The following MPZL3 variants were observed in gnomAD, a reference collection of about 807,000 sequenced individuals.
MPZL3 encodes the protein myelin protein zero-like protein 3.
A neutral mutation model predicts 24.8 loss-of-function variants in MPZL3; 23 were observed. The observed-to-expected ratio is 0.93, with a 90% confidence interval of 0.67 to 1.31. The LOEUF (loss-of-function observed/expected upper bound fraction) is 1.31. Among genes scored for constraint, MPZL3 ranks in the 40% most tolerant of loss-of-function variants. MPZL3 has a pLI of 0.00. For missense variants in MPZL3, 277 were observed against 294.9 expected (o/e 0.94, Z 0.44); for synonymous variants, 99 against 106.5 (o/e 0.93, Z 0.44).
chr11:118,237,344 C>T, intron 2 of MPZL3, 84 bp from the exon 3 acceptor site: 1 of 1,240,634 alleles, frequency 8.1e-7, no homozygotes, highest in East Asian at 2.3e-5. Flanking sequence ...AAATAAAATA[C>T]AACTGTATAA....
At chr11:118,250,274 C>T (rs1382216602) in intron 1 of MPZL3, among the ~76,000 whole-genome samples, 1 of 150,858 alleles carries the variant, frequency 6.6e-6, no homozygotes, top group African/African-American at 2.5e-5. Context: ...ATCCACCCAC[C>T]TCGGCCTCCC....
At position 118,240,218 on chromosome 11, in the gene MPZL3, G is replaced by C. The variant is rs772467432; in HGVS notation, c.233C>G (p.Thr78Arg). ...GAAAAAGTACACACTTACTGATACT[G>C]TGTGGCTGCTGCTGGGAGGGCGATA... ...WTYRPPSSSH[T>R]VSIFHYQSFQ... Residue 78 changes from threonine to arginine, a missense_variant, in exon 2 of 6, where the codon ACA becomes AGA. Physicochemically the swap from Thr to Arg is moderately conservative, Grantham distance 71. Transcript: ENST00000278949. 2 of 1,564,656 alleles carry C rather than the reference G, an allele frequency of 1.3e-6. No homozygotes were observed. The highest frequency in any genetic ancestry group is 8.6e-7 in the Non-Finnish European group (1 of 1,162,722).
chr11:118,228,078 C>G lies in MPZL3; in HGVS notation c.*1816G>C, dbSNP rs1255551256. On this transcript the variant is annotated 3_prime_UTR_variant, in exon 6 of 6. Coordinates refer to ENST00000278949, the MANE Select transcript of MPZL3 (RefSeq NM_198275.3). ...TGGAAATGTAAACTGCCGGTCCTGT[C>G]TTTGCCCTTCTACTTCCTCGCGTGA... 2 of 152,190 alleles carry G rather than the reference C, an allele frequency of 1.3e-5. No homozygotes were observed. Among genetic ancestry groups the G allele is most frequent in the African/African-American group, 2.4e-5 (1 of 41,424 alleles). 9.4% of individuals were successfully genotyped at this position (152,190 alleles called of 1,614,324 possible). A position where few individuals can be genotyped will look rare whatever the true frequency, so the allele number is the denominator to read the frequency against.
chr11:118,247,201 T>C (rs901154802), intron 1 of MPZL3, among the ~76,000 whole-genome samples: 1 of 152,152 alleles, frequency 6.6e-6, no homozygotes, highest in Non-Finnish European at 1.5e-5. Flanking sequence ...ATGTACTTTA[T>C]ACAGTTAGCT....
chr11:118,246,860 A>C (rs1422392280), intron 1 of MPZL3, among the ~76,000 whole-genome samples: 1 of 152,174 alleles, frequency 6.6e-6, no homozygotes, highest in Admixed American at 6.5e-5. Flanking sequence ...TGCTGGGATT[A>C]CAGGCGTGAG....
chr11:118,249,524 T>C (rs1949595855), intron 1 of MPZL3, among the ~76,000 whole-genome samples: 2 of 152,052 alleles, frequency 1.3e-5, no homozygotes, highest in Non-Finnish European at 1.5e-5. Context: ...CAGCCAACTA[T>C]AGAAATACTC....
intron 1 of MPZL3, among the ~76,000 whole-genome samples, chr11:118,246,834 T>C (rs1949561919): frequency 6.6e-6 from 1 of 152,034 alleles, no homozygotes; most frequent in South Asian, 2.1e-4. Flanking sequence ...AATCCTCCCA[T>C]CTCAACCTCT....
In MPZL3 at chr11:118,249,057, T is replaced by TG. The variant is rs1949590156; in HGVS notation, c.73+3164_73+3165insC. 3.3e-5 allele frequency among the ~76,000 whole-genome samples: 5 copies of TG among 150,406 alleles called. No individual in the cohort carries two copies. In the South Asian group the frequency reaches 1.1e-3, roughly 32 times the overall value. On this transcript the variant is annotated intron_variant, in intron 1 of 5. Coordinates refer to ENST00000278949, the MANE Select transcript of MPZL3 (RefSeq NM_198275.3). ...TCGGTTTGTTTTTTGTTTGTTTGTTTTTTGAGACAGAGTCTCACTCTGTCA... is the reference window on the plus strand; with the variant it reads ...TCGGTTTGTTTTTTGTTTGTTTGTTTGTTTGAGACAGAGTCTCACTCTGTCA...
chr11:118,233,367 C>T, intron 5 of MPZL3, 93 bp downstream of exon 5: 1 of 1,402,688 alleles, frequency 7.1e-7, no homozygotes, highest in Non-Finnish European at 1.0e-6. Flanking sequence ...ACCTGCATAT[C>T]CTCTGCTGCC....
At position 118,240,210 on chromosome 11, in the gene MPZL3, C is replaced by T. The variant is rs760696650; in HGVS notation, c.240+1G>A. The T allele has an allele frequency of 6.4e-7, 1 of 1,557,374 alleles. No individual in the cohort carries two copies. Among genetic ancestry groups the T allele is most frequent in the Non-Finnish European group, 8.6e-7 (1 of 1,160,044 alleles). On this transcript the variant is annotated splice_donor_variant, in intron 2 of 5. Coordinates refer to ENST00000278949, the MANE Select transcript of MPZL3 (RefSeq NM_198275.3). LOFTEE classifies it high-confidence loss of function. ...AACATTCCGAAAAAGTACACACTTA[C>T]TGATACTGTGTGGCTGCTGCTGGGA...
Position 118,252,252 on chromosome 11 carries a change from A to G in MPZL3, c.43T>C (p.Phe15Leu). The G allele has an allele frequency of 6.2e-7, 1 of 1,613,992 alleles. No individual in the cohort carries two copies. Among genetic ancestry groups the G allele is most frequent in the Non-Finnish European group, 8.5e-7 (1 of 1,179,984 alleles). Residue 15 changes from phenylalanine (F) to leucine (L), a missense_variant, in exon 1 of 6, where the codon TTC becomes CTC. Physicochemically the swap from Phe to Leu is conservative, Grantham distance 22. Transcript: ENST00000278949. ...AAGAACAGGACGCCCAGCAGAGGGA[A>G]GAGAGCGCAGCCACGGCTTCCAGCT... ...GAAGSRGCAL[F>L]PLLGVLFFQG... is the part of the protein sequence containing the mutation.
chr11:118,234,742 T>TACAC (rs1029838253), intron 4 of MPZL3, among the ~76,000 whole-genome samples: 44 of 111,616 alleles, frequency 3.9e-4, no homozygotes, highest in African/African-American at 1.0e-3. Context: ...CACACACACA[T>TACAC]ACACACACAC....
chr11:118,232,372 A>G (rs996216759), intron 5 of MPZL3, among the ~76,000 whole-genome samples: 1 of 151,278 alleles, frequency 6.6e-6, no homozygotes, highest in Non-Finnish European at 1.5e-5. Flanking sequence ...GTACCATCTC[A>G]TATACTATAT....
intron 4 of MPZL3, among the ~76,000 whole-genome samples, chr11:118,234,489 T>C (rs1205691398): frequency 6.6e-6 from 1 of 151,994 alleles, no homozygotes; most frequent in Non-Finnish European, 1.5e-5. Context: ...AGGATGAGAA[T>C]GAGTTAGGAA....
intron 1 of MPZL3, among the ~76,000 whole-genome samples, chr11:118,248,235 TG>T (rs1949577496): frequency 6.6e-6 from 1 of 151,854 alleles, no homozygotes; most frequent in Non-Finnish European, 1.5e-5. Context: ...AGGATGGTCT[TG>T]AACTCCTGAC....
rs1949304663 is a variant in MPZL3 at position 118,228,667 on chromosome 11, G to T, written c.*1227C>A. ...CAAATACCATAGTTTACTCACAGTT[G>T]GCACATTTTAGAAATCAACAAAGTT... is the stretch of plus-strand genomic sequence containing the variant. On this transcript the variant is annotated 3_prime_UTR_variant, in exon 6 of 6. Coordinates refer to ENST00000278949, the MANE Select transcript of MPZL3 (RefSeq NM_198275.3). 1 of 152,044 alleles carries T rather than the reference G, an allele frequency of 6.6e-6. No homozygotes were observed. The highest frequency in any genetic ancestry group is 2.4e-5 in the African/African-American group (1 of 41,380). The allele number at this position is 152,044 out of a possible 1,614,324, so 9.4% of individuals were successfully genotyped here.
In MPZL3 at chr11:118,237,180, G is replaced by A. The variant is rs745618416; in HGVS notation, c.321C>T (p.Tyr107=). ...RDRISWVGNV[Y]KGDASISISN... is the part of the protein sequence containing the mutation. Reference sequence around the variant, plus strand: ...TTATACTTATAGATGCATCCCCTTTGTATACATTTCCAACCCAGGAAATCC... The same window carrying A: ...TTATACTTATAGATGCATCCCCTTTATATACATTTCCAACCCAGGAAATCC... The change falls in exon 3 of 6, where the codon TAC becomes TAT. Residue 107 remains tyrosine (Y), a synonymous_variant. Transcript: ENST00000278949. The A allele has an allele frequency of 6.2e-7, 1 of 1,614,074 alleles. No homozygotes were observed. Among genetic ancestry groups the A allele is most frequent in the Non-Finnish European group, 8.5e-7 (1 of 1,179,964 alleles).
chr11:118,240,371 T>G lies in MPZL3; in HGVS notation c.80A>C (p.Tyr27Ser). The G allele has an allele frequency of 2.5e-6, 4 of 1,604,514 alleles. No individual in the cohort carries two copies. Among genetic ancestry groups the G allele is most frequent in the Non-Finnish European group, 3.4e-6 (4 of 1,176,732 alleles). Reference sequence around the variant, plus strand: ...ACGAATCTCCAAGGAAAAGACGATATAAACACCTAATCAAAGCAAACCCAA... The same window carrying G: ...ACGAATCTCCAAGGAAAAGACGATAGAAACACCTAATCAAAGCAAACCCAA... ...LLGVLFFQGV[Y>S]IVFSLEIRAD... The change falls in exon 2 of 6, where the codon TAT becomes TCT. Residue 27 changes from tyrosine (Y) to serine (S), a missense_variant. Tyr to Ser is a moderately radical substitution (Grantham distance 144). Coordinates refer to ENST00000278949, the MANE Select transcript of MPZL3 (RefSeq NM_198275.3).
chr11:118,240,388 CA>C lies in MPZL3; in HGVS notation c.74-12del, dbSNP rs779119391. The C allele has an allele frequency of 6.3e-7, 1 of 1,598,816 alleles. No individual in the cohort carries two copies. The highest frequency in any genetic ancestry group is 1.3e-5 in the African/African-American group (1 of 74,078). On this transcript the variant is annotated splice_polypyrimidine_tract_variant and intron_variant, in intron 1 of 5. Transcript: ENST00000278949. ...AGACGATATAAACACCTAATCAAAG[CA>C]AACCCAAACACTTAAAATGCATTCA... is the stretch of plus-strand genomic sequence containing the variant.
Sources: gnomAD v4.1 joint callset for allele counts (sites outside exome capture counted in the v4.1 genomes callset) on GRCh38, gnomAD v4.1.1 for gene constraint, MANE v1.5 for transcripts, NCBI Gene and HGNC (gene_info 2026-07-23, HGNC 2026-07-21) for gene names.